RNF212B: variants seen among roughly 807,000 people sequenced by gnomAD.
The protein encoded by RNF212B is ring finger protein 212B.
A neutral mutation model predicts 55.5 loss-of-function variants in RNF212B; 52 were observed. That is an observed-to-expected ratio of 0.94 (90% CI 0.75 to 1.18). The LOEUF (loss-of-function observed/expected upper bound fraction) is 1.18. Ranked by LOEUF, RNF212B falls within the 50% of genes most tolerant of loss-of-function variation. The probability of loss-of-function intolerance (pLI) is 0.00; values close to 1 mark genes in which losing one functional copy is unlikely to be tolerated. For synonymous variants in RNF212B, 99 were observed against 121.4 expected (o/e 0.82, Z 1.21); for missense variants, 289 against 350.4 (o/e 0.82, Z 1.40).
intron 2 of RNF212B, among the ~76,000 whole-genome samples, chr14:23,220,491 C>T (rs1220082348): frequency 6.6e-6 from 1 of 152,058 alleles, no homozygotes; most frequent in East Asian, 1.9e-4. Flanking sequence ...GAGATCACAC[C>T]ACTGCACTCC....
At chr14:23,228,068 T>C (rs1000922927) in intron 2 of RNF212B, among the ~76,000 whole-genome samples, 6 of 151,042 alleles carry the variant, frequency 4.0e-5, no homozygotes, top group Admixed American at 2.0e-4. Context: ...TCGTCTCTAC[T>C]AAAAATACAA....
At chr14:23,230,547 G>C (rs897931825) in intron 2 of RNF212B, among the ~76,000 whole-genome samples, 5 of 150,864 alleles carry the variant, frequency 3.3e-5, no homozygotes, top group Non-Finnish European at 7.4e-5. Flanking sequence ...CCAGCTACTC[G>C]GGAAGCTGAG....
At chr14:23,251,563 C>T (rs1884403762) in intron 4 of RNF212B, among the ~76,000 whole-genome samples, 1 of 152,216 alleles carries the variant, frequency 6.6e-6, no homozygotes, top group African/African-American at 2.4e-5. Flanking sequence ...CGCCTGTAAT[C>T]CCAGCACTTT....
At chr14:23,263,646 C>T (rs1307597540) in intron 9 of RNF212B, among the ~76,000 whole-genome samples, 3 of 152,166 alleles carry the variant, frequency 2.0e-5, no homozygotes, top group African/African-American at 7.2e-5. Context: ...GGGAATCCCT[C>T]CTCTTGGGAG....
Position 23,191,259 on chromosome 14 carries a change from A to G in RNF212B, c.-78-2066A>G, listed in dbSNP as rs371821803. 7.3e-5 allele frequency among the ~76,000 whole-genome samples: 11 copies of G among 149,994 alleles called. No homozygotes were observed. In the East Asian group the frequency reaches 8.0e-4, roughly 11 times the overall value. On this transcript the variant is annotated intron_variant, in intron 1 of 15. Transcript: ENST00000399910. The stretch of plus-strand genomic sequence containing the variant: ...GTAGTCCCAGCTACTTGGGAGGCTG[A>G]GGCAGGAGACTCACTTGAACCCTGG...
chr14:23,272,213 C>G (rs1002926997), intron 14 of RNF212B, among the ~76,000 whole-genome samples: 2 of 151,884 alleles, frequency 1.3e-5, no homozygotes, highest in Non-Finnish European at 2.9e-5. Context: ...GTCAGGAGAT[C>G]GAGACCATCC....
intron 2 of RNF212B, among the ~76,000 whole-genome samples, chr14:23,241,541 A>G (rs917146325): frequency 6.6e-6 from 1 of 152,016 alleles, no homozygotes; most frequent in Non-Finnish European, 1.5e-5. Context: ...CTCATGTCTC[A>G]GCCACTTGAG....
At chr14:23,203,920 A>C (rs1044375548) in intron 2 of RNF212B, among the ~76,000 whole-genome samples, 2 of 152,202 alleles carry the variant, frequency 1.3e-5, no homozygotes, top group African/African-American at 4.8e-5. Flanking sequence ...GATTATAGCC[A>C]TTCTTGCAGG....
intron 4 of RNF212B, among the ~76,000 whole-genome samples, chr14:23,252,891 G>A (rs911685163): frequency 1.3e-5 from 2 of 151,992 alleles, no homozygotes; most frequent in Non-Finnish European, 2.9e-5. Flanking sequence ...TGTGACTTTC[G>A]CAGCTAAAAG....
At chr14:23,236,914 G>A (rs1209135942), upstream of RNF212B, among the ~76,000 whole-genome samples, 1 of 149,272 alleles carries the variant, frequency 6.7e-6, no homozygotes, top group Non-Finnish European at 1.5e-5. Flanking sequence ...TTGTTATCTA[G>A]AATGCTTCTG....
In RNF212B at chr14:23,272,935, C is replaced by G. The variant is rs767402156; in HGVS notation, c.*44C>G. The stretch of plus-strand genomic sequence containing the variant: ...TCTATACATGCTGCTGAAGGATGGA[C>G]TGTAGCTTCCAGTACGCATTAGGGG... On this transcript the variant is annotated 3_prime_UTR_variant, in exon 15 of 15. Transcript: ENST00000430154. The G allele has an allele frequency of 1.7e-6, 2 of 1,188,174 alleles. No individual in the cohort carries two copies. Among genetic ancestry groups the G allele is most frequent in the Non-Finnish European group, 2.4e-6 (2 of 843,508 alleles). The allele number at this position is 1,188,174 out of a possible 1,614,324, so 73.6% of individuals were successfully genotyped here. A position where few individuals can be genotyped will look rare whatever the true frequency, so the allele number is the denominator to read the frequency against.
rs181490125 is a variant in RNF212B at position 23,195,170 on chromosome 14, A to G, written c.-2+1769A>G. Reference sequence around the variant, plus strand: ...GAGCCAGGTGTTGTGGTGCACGTCTACAGTCCCAGCTATTTGGGAGGCTGA... The same window carrying G: ...GAGCCAGGTGTTGTGGTGCACGTCTGCAGTCCCAGCTATTTGGGAGGCTGA... On this transcript the variant is annotated intron_variant, in intron 2 of 15. Coordinates refer to the RNF212B transcript ENST00000399910. Among the ~76,000 whole-genome samples the G allele has an allele frequency of 1.8e-4, 27 of 152,076 alleles. No individual in the cohort carries two copies. The East Asian group carries it at 3.7e-3, about 21-fold the overall frequency.
chr14:23,254,066 C>T lies in RNF212B; in HGVS notation c.229-4483C>T, dbSNP rs113470620. On this transcript the variant is annotated intron_variant, in intron 4 of 14. Coordinates refer to ENST00000430154, the MANE Select transcript of RNF212B (RefSeq NM_001282322.3). ...GGCCGAAGTGGGAGAACGGCTAGAT[C>T]CCAGGAGTTTGAGATCAGCCTGGGC... is the stretch of plus-strand genomic sequence containing the variant. 4.2e-3 allele frequency among the ~76,000 whole-genome samples: 643 copies of T among 152,124 alleles called. 4 individuals are homozygous for T. Among genetic ancestry groups the T allele is most frequent in the Non-Finnish European group, 6.2e-3 (423 of 68,000 alleles).
rs79733711 is a variant in RNF212B, at chr14:23,238,117, T to C, written c.-2+62T>C. Among the ~76,000 whole-genome samples the C allele has an allele frequency of 7.8e-3, 1,192 of 152,308 alleles. 15 individuals carry two copies. The highest frequency in any genetic ancestry group is 0.027 in the African/African-American group (1,136 of 41,558). ...GAGACGGCTGAGGCCCCATCGCCTCTGGAAAGCAGGGGAATTTTGCCCTCA... is the reference window on the plus strand; with the variant it reads ...GAGACGGCTGAGGCCCCATCGCCTCCGGAAAGCAGGGGAATTTTGCCCTCA... On this transcript the variant is annotated intron_variant, in intron 1 of 14. Transcript: ENST00000430154.
intron 2 of RNF212B, among the ~76,000 whole-genome samples, chr14:23,232,456 C>G (rs187573203): frequency 8.9e-6 from 1 of 112,320 alleles, no homozygotes. Context: ...GCAGCCGCCC[C>G]GTCTGAGAAG....
At chr14:23,272,462 G>GA in intron 14 of RNF212B, 1 of 257,694 alleles carries the variant, frequency 3.9e-6, no homozygotes, top group Non-Finnish European at 7.6e-6. Flanking sequence ...CCGAAAATGT[G>GA]AAAAAATTTT....
At chr14:23,225,410 G>A (rs963511150) in intron 2 of RNF212B, among the ~76,000 whole-genome samples, 2 of 152,332 alleles carry the variant, frequency 1.3e-5, no homozygotes. Flanking sequence ...CAACTTAAGT[G>A]TCCATCAACA....
upstream of RNF212B, among the ~76,000 whole-genome samples, chr14:23,236,423 G>A (rs1883097945): frequency 1.3e-5 from 2 of 152,076 alleles, no homozygotes; most frequent in Non-Finnish European, 2.9e-5. Flanking sequence ...GCTGAGGCAG[G>A]AGAATCGCTT....
rs538225356 is a variant in RNF212B at position 23,232,255 on chromosome 14, G to A, written c.-1-8090G>A. Among the ~76,000 whole-genome samples the A allele has an allele frequency of 3.3e-3, 484 of 144,684 alleles. 5 individuals are homozygous for A. The highest frequency in any genetic ancestry group is 0.012 in the African/African-American group (449 of 38,436). The allele number at this position is 144,684 out of a possible 152,430, so 94.9% of individuals were successfully genotyped here. A position where few individuals can be genotyped will look rare whatever the true frequency, so the allele number is the denominator to read the frequency against. ...ATGTGGGGAGCGCCTCTGCCCCGCC[G>A]CCCCATCTGGGATGTGAGGAGCGCC... On this transcript the variant is annotated intron_variant, in intron 2 of 15. Transcript: ENST00000399910.
Sources: gnomAD v4.1 joint callset for allele counts (sites outside exome capture counted in the v4.1 genomes callset) on GRCh38, gnomAD v4.1.1 for gene constraint, MANE v1.5 for transcripts, NCBI Gene and HGNC (gene_info 2026-07-23, HGNC 2026-07-21) for gene names.